NIM1K: variants seen among roughly 807,000 people sequenced by gnomAD.
NIM1K encodes the protein serine/threonine-protein kinase NIM1.
A neutral mutation model predicts 37.1 loss-of-function variants in NIM1K; 35 were observed. That is an observed-to-expected ratio of 0.94 (90% CI 0.72 to 1.25). The LOEUF (loss-of-function observed/expected upper bound fraction) is 1.25. NIM1K is among the 50% of genes most tolerant of loss of function. The probability of loss-of-function intolerance (pLI) is 0.00; values close to 1 mark genes in which losing one functional copy is unlikely to be tolerated. For missense variants in NIM1K, 564 were observed against 548.0 expected (o/e 1.03, Z -0.29); for synonymous variants, 234 against 206.6 (o/e 1.13, Z -1.14).
At chr5:43,243,100 C>T (rs867885591) in intron 1 of NIM1K, among the ~76,000 whole-genome samples, 7 of 152,172 alleles carry the variant, frequency 4.6e-5, no homozygotes, top group South Asian at 2.1e-4. Context: ...CTGTGCCCGG[C>T]GCCCTCCTAG....
rs1001186359 is a variant in NIM1K at position 43,231,864 on chromosome 5, A to G, written c.-694-13218A>G. The G allele has an allele frequency of 1.9e-5, 23 of 1,207,696 alleles. No homozygotes were observed. In the African/African-American group the frequency reaches 3.6e-4, roughly 19 times the overall value. 74.8% of individuals were successfully genotyped at this position (1,207,696 alleles called of 1,614,324 possible). A position where few individuals can be genotyped will look rare whatever the true frequency, so the allele number is the denominator to read the frequency against. On this transcript the variant is annotated intron_variant, in intron 1 of 3. Coordinates refer to ENST00000326035, the MANE Select transcript of NIM1K (RefSeq NM_153361.4). ...TTCTCCTTCAACAGAATCCACACCA[A>G]CCTCCTTATAATCCTTCTCAAGGGC...
chr5:43,278,131 C>T (rs866143370), intron 3 of NIM1K, among the ~76,000 whole-genome samples: 4 of 151,458 alleles, frequency 2.6e-5, no homozygotes, highest in Non-Finnish European at 5.9e-5. Context: ...CTGCAACCTC[C>T]GCCTCCCGGG....
Position 43,278,650 on chromosome 5 carries a change from G to A in NIM1K, c.561+1325G>A, listed in dbSNP as rs1753391343. ...AATTCACTTCTCAGCCTGCATGGTT[G>A]TAGGAGCAAGAACTGGGATCAGTGA... On this transcript the variant is annotated intron_variant, in intron 3 of 3. Transcript: ENST00000326035. 2.0e-5 allele frequency among the ~76,000 whole-genome samples: 3 copies of A among 152,208 alleles called. No homozygotes were observed. In the South Asian group the frequency reaches 6.2e-4, roughly 32 times the overall value.
intron 2 of NIM1K, among the ~76,000 whole-genome samples, chr5:43,264,050 C>T (rs188394566): frequency 2.9e-4 from 44 of 152,234 alleles, no homozygotes; most frequent in South Asian, 2.5e-3. Context: ...ACTATGTAGT[C>T]AATTTTGGAA....
At chr5:43,274,508 G>T (rs1753309110) in intron 2 of NIM1K, among the ~76,000 whole-genome samples, 1 of 152,176 alleles carries the variant, frequency 6.6e-6, no homozygotes, top group Non-Finnish European at 1.5e-5. Flanking sequence ...ACAAAACCAG[G>T]TTTCTGTTTC....
At position 43,213,295 on chromosome 5, in the gene NIM1K, CTTTT is replaced by C. The variant is rs1370896798; in HGVS notation, c.-695+20885_-695+20888del. On this transcript the variant is annotated intron_variant, in intron 1 of 3. Transcript: ENST00000326035. ...TTTCTTTCTTGTTTCCTTTCCTTTT[CTTTT>C]CTTTTCTTTTCTTTTCTTTTCTTTT... Among the ~76,000 whole-genome samples the C allele has an allele frequency of 5.7e-3, 107 of 18,906 alleles. 5 individuals carry two copies. Among genetic ancestry groups the C allele is most frequent in the African/African-American group, 0.011 (106 of 9,662 alleles). 12.4% of individuals were successfully genotyped at this position (18,906 alleles called of 152,430 possible). A position where few individuals can be genotyped will look rare whatever the true frequency, so the allele number is the denominator to read the frequency against.
chr5:43,224,697 A>T (rs1209426555), intron 1 of NIM1K, among the ~76,000 whole-genome samples: 4 of 140,794 alleles, frequency 2.8e-5, no homozygotes, highest in Non-Finnish European at 4.6e-5. Context: ...TAACAAGTGA[A>T]TTTTTTTTTT....
At chr5:43,235,222 C>A (rs1752604290) in intron 1 of NIM1K, among the ~76,000 whole-genome samples, 1 of 152,150 alleles carries the variant, frequency 6.6e-6, no homozygotes, top group South Asian at 2.1e-4. Context: ...AACTTAAAAT[C>A]ACAAATCTAA....
chr5:43,254,460 T>C (rs1417862800), intron 2 of NIM1K, among the ~76,000 whole-genome samples: 11 of 152,206 alleles, frequency 7.2e-5, no homozygotes, highest in Non-Finnish European at 2.9e-5. Context: ...GAGTCCTAGT[T>C]ACAAGCTCCT....
chr5:43,278,463 G>A (rs562111172), intron 3 of NIM1K, among the ~76,000 whole-genome samples: 13 of 152,292 alleles, frequency 8.5e-5, no homozygotes, highest in African/African-American at 3.1e-4. Context: ...AATTTTGGCC[G>A]TATTGCGGGC....
At chr5:43,235,074 A>C (rs1313379038) in intron 1 of NIM1K, among the ~76,000 whole-genome samples, 1 of 152,254 alleles carries the variant, frequency 6.6e-6, no homozygotes, top group African/African-American at 2.4e-5. Context: ...CTTTTAAAAA[A>C]CTTTATTTGA....
chr5:43,243,905 A>G (rs1752740142), intron 1 of NIM1K, among the ~76,000 whole-genome samples: 1 of 152,182 alleles, frequency 6.6e-6, no homozygotes, highest in Non-Finnish European at 1.5e-5. Flanking sequence ...TATCTTAAAA[A>G]TGTTTTTAAA....
In NIM1K at chr5:43,280,127, G is replaced by C. The variant is rs752281168; in HGVS notation, c.709G>C (p.Ala237Pro). The C allele has an allele frequency of 3.1e-6, 5 of 1,613,998 alleles. No individual in the cohort carries two copies. The Admixed American group carries it at 5.0e-5, about 16-fold the overall frequency. ...CACTTTCTGTGGGTCTCCTCCCTAC[G>C]CTGCGCCTGAACTCTTCCGGGACGA... ...LNTFCGSPPYAAPELFRDEHY... is the reference protein window; with the variant it reads ...LNTFCGSPPYPAPELFRDEHY... The change falls in exon 4 of 4, where the codon GCT becomes CCT. Residue 237 changes from alanine to proline, a missense_variant. Ala to Pro is a conservative substitution (Grantham distance 27). Transcript: ENST00000326035.
chr5:43,229,640 CTTTT>C (rs34054246), intron 1 of NIM1K, among the ~76,000 whole-genome samples: 1 of 109,178 alleles, frequency 9.2e-6, no homozygotes. Flanking sequence ...AAATTTTAGC[CTTTT>C]TTTTTTTTTT....
At chr5:43,203,280 C>T (rs1009206126) in intron 1 of NIM1K, among the ~76,000 whole-genome samples, 44 of 152,184 alleles carry the variant, frequency 2.9e-4, no homozygotes, top group Non-Finnish European at 5.1e-4. Flanking sequence ...AAAGCTGCCT[C>T]CCTACATATT....
At chr5:43,276,563 T>C (rs1317487509) in intron 2 of NIM1K, among the ~76,000 whole-genome samples, 2 of 152,164 alleles carry the variant, frequency 1.3e-5, no homozygotes, top group African/African-American at 4.8e-5. Context: ...CAAACTATAT[T>C]GATGAGTGAA....
At chr5:43,221,719 G>A (rs2112231077) in intron 1 of NIM1K, among the ~76,000 whole-genome samples, 1 of 152,300 alleles carries the variant, frequency 6.6e-6, no homozygotes, top group South Asian at 2.1e-4. Flanking sequence ...AACACAGTTT[G>A]AACAGTTGGC....
At chr5:43,231,604 CATTT>C (rs1375601575) in intron 1 of NIM1K, among the ~76,000 whole-genome samples, 1 of 152,076 alleles carries the variant, frequency 6.6e-6, no homozygotes, top group Non-Finnish European at 1.5e-5. Context: ...TTTTAAAAAA[CATTT>C]ATTATTATTA....
chr5:43,226,836 C>G (rs1307558434), intron 1 of NIM1K, among the ~76,000 whole-genome samples: 1 of 152,090 alleles, frequency 6.6e-6, no homozygotes, highest in African/African-American at 2.4e-5. Context: ...TTATGGGATA[C>G]AGATCTCAAG....
Sources: gnomAD v4.1 joint callset for allele counts (sites outside exome capture counted in the v4.1 genomes callset) on GRCh38, gnomAD v4.1.1 for gene constraint, MANE v1.5 for transcripts, NCBI Gene and HGNC (gene_info 2026-07-23, HGNC 2026-07-21) for gene names.